DGKB: variants seen among roughly 807,000 people sequenced by gnomAD.
DGKB encodes the protein diacylglycerol kinase beta, also known as 90 kDa diacylglycerol kinase.
In DGKB, 67 loss-of-function variants were observed where a neutral mutation model predicts 114.3. The observed-to-expected ratio is 0.59, with a 90% CI of 0.48 to 0.72. The LOEUF is 0.72. Ranked by LOEUF, DGKB falls within the 30% of genes least tolerant of loss-of-function variation. DGKB has a pLI of 0.00. For synonymous variants in DGKB, 398 were observed against 323.1 expected (o/e 1.23, Z -2.49); for missense variants, 907 against 975.2 (o/e 0.93, Z 0.93).
chr7:14,708,495 C>T (rs557650990), intron 6 of DGKB, among the ~76,000 whole-genome samples: 20 of 150,634 alleles, frequency 1.3e-4, no homozygotes, highest in Middle Eastern at 3.4e-3. Context: ...AAAAGAGAGA[C>T]GGCATCGCCA....
At chr7:14,437,872 G>C (rs1829511414) in intron 21 of DGKB, among the ~76,000 whole-genome samples, 1 of 150,776 alleles carries the variant, frequency 6.6e-6, no homozygotes, top group African/African-American at 2.4e-5. Context: ...GGACTTATTG[G>C]TCTTTACATA....
At chr7:14,828,734 T>C (rs1846031378) in intron 2 of DGKB, among the ~76,000 whole-genome samples, 1 of 152,174 alleles carries the variant, frequency 6.6e-6, no homozygotes, top group Non-Finnish European at 1.5e-5. Flanking sequence ...AGTTTCTGCA[T>C]TAACAGATGA....
chr7:14,823,198 C>T (rs1845191648), intron 2 of DGKB, among the ~76,000 whole-genome samples: 2 of 151,662 alleles, frequency 1.3e-5, no homozygotes, highest in Non-Finnish European at 2.9e-5. Flanking sequence ...GTAGGGTATA[C>T]AATTAGGCAA....
At chr7:14,657,366 G>A (rs1473307703) in intron 13 of DGKB, among the ~76,000 whole-genome samples, 3 of 151,732 alleles carry the variant, frequency 2.0e-5, no homozygotes, top group Non-Finnish European at 4.4e-5. Flanking sequence ...ATGGAAAAAT[G>A]AGGTTTCTTT....
chr7:14,947,564 A>G (rs112130168), intron 1 of DGKB, among the ~76,000 whole-genome samples: 3,356 of 74,268 alleles, frequency 0.045, 128 homozygotes, highest in African/African-American at 0.19. Flanking sequence ...ATTAAATGAT[A>G]CTCATAGGAG....
intron 21 of DGKB, among the ~76,000 whole-genome samples, chr7:14,451,341 C>T (rs543250752): frequency 1.3e-5 from 2 of 151,968 alleles, no homozygotes; most frequent in Non-Finnish European, 2.9e-5. Flanking sequence ...CTGACTGATA[C>T]ATTTAAGCTG....
chr7:14,648,622 G>T (rs2128892761), intron 13 of DGKB, among the ~76,000 whole-genome samples: 1 of 152,246 alleles, frequency 6.6e-6, no homozygotes, highest in Middle Eastern at 3.4e-3. Context: ...TTCCTCACCA[G>T]CAACGGAACA....
At chr7:14,376,765 A>G (rs548815640) in intron 21 of DGKB, among the ~76,000 whole-genome samples, 1 of 152,328 alleles carries the variant, frequency 6.6e-6, no homozygotes, top group African/African-American at 2.4e-5. Flanking sequence ...TTTGCACTAA[A>G]TAACTTTTCT....
At chr7:14,296,385 A>G (rs1048177868) in intron 23 of DGKB, among the ~76,000 whole-genome samples, 1 of 152,070 alleles carries the variant, frequency 6.6e-6, no homozygotes, top group Non-Finnish European at 1.5e-5. Flanking sequence ...GTGCCACATT[A>G]TCTTTATCCA....
At chr7:14,214,365 T>A (rs1170250972) in intron 23 of DGKB, among the ~76,000 whole-genome samples, 2 of 151,992 alleles carry the variant, frequency 1.3e-5, no homozygotes, top group South Asian at 2.1e-4. Flanking sequence ...AGAAAAAAAA[T>A]TCCATGTGCT....
At chr7:14,400,167 T>C (rs1166684821) in intron 21 of DGKB, among the ~76,000 whole-genome samples, 1 of 151,834 alleles carries the variant, frequency 6.6e-6, no homozygotes, top group African/African-American at 2.4e-5. Flanking sequence ...TCCTTTAGAG[T>C]AAGGACCATG....
chr7:14,535,172 T>C (rs1007295340), intron 20 of DGKB, among the ~76,000 whole-genome samples: 4 of 151,944 alleles, frequency 2.6e-5, no homozygotes, highest in African/African-American at 9.7e-5. Flanking sequence ...AGTTCAAGAT[T>C]AGCCTTGTCA....
chr7:14,856,907 A>G (rs1179104271), intron 1 of DGKB, among the ~76,000 whole-genome samples: 3 of 152,092 alleles, frequency 2.0e-5, no homozygotes, highest in African/African-American at 7.2e-5. Context: ...TATGGGGAAC[A>G]CACCTTAGGG....
intron 14 of DGKB, among the ~76,000 whole-genome samples, 191 bp from the exon 15 acceptor site, chr7:14,621,685 G>A (rs562962062): frequency 2.0e-5 from 3 of 151,930 alleles, no homozygotes; most frequent in Admixed American, 2.0e-4. Flanking sequence ...CTTCATGATC[G>A]AACCACCATT....
At chr7:14,841,569 G>C (rs1168203338) in intron 1 of DGKB, 119 bp from the exon 2 acceptor site, 1 of 242,008 alleles carries the variant, frequency 4.1e-6, no homozygotes, top group Non-Finnish European at 7.9e-6. Context: ...AGTACAAATT[G>C]TGAGAAGAAT....
chr7:14,315,055 T>G (rs1806207590), intron 23 of DGKB, among the ~76,000 whole-genome samples: 1 of 151,360 alleles, frequency 6.6e-6, no homozygotes, highest in South Asian at 2.1e-4. Flanking sequence ...GAAGGAGAAA[T>G]AAAATACTTT....
chr7:14,596,248 G>T (rs1435302146), intron 17 of DGKB, among the ~76,000 whole-genome samples: 1 of 152,080 alleles, frequency 6.6e-6, no homozygotes, highest in Non-Finnish European at 1.5e-5. Flanking sequence ...ATACTGCATT[G>T]TTAACTGTAT....
chr7:14,897,239 G>A (rs956869957), intron 1 of DGKB, among the ~76,000 whole-genome samples: 1 of 151,844 alleles, frequency 6.6e-6, no homozygotes, highest in Non-Finnish European at 1.5e-5. Flanking sequence ...TGAAATAAAT[G>A]TATAAAAATG....
At chr7:14,345,444 C>G (rs1205452615) in intron 21 of DGKB, 53 bp from the exon 22 acceptor site, 4 of 956,688 alleles carry the variant, frequency 4.2e-6, no homozygotes, top group Non-Finnish European at 6.3e-6. Flanking sequence ...ACAGAGGGAT[C>G]TTTTAAAAAA....
Sources: gnomAD v4.1 joint callset for allele counts (sites outside exome capture counted in the v4.1 genomes callset) on GRCh38, gnomAD v4.1.1 for gene constraint, MANE v1.5 for transcripts, NCBI Gene and HGNC (gene_info 2026-07-23, HGNC 2026-07-21) for gene names.